SGMS1: variants seen among roughly 807,000 people sequenced by gnomAD.
The protein encoded by SGMS1 is sphingomyelin synthase 1, also known as phosphatidylcholine:ceramide cholinephosphotransferase 1.
In SGMS1, 13 loss-of-function variants were observed where a neutral mutation model predicts 46.2. The ratio of observed to expected loss-of-function variants is 0.28; its 90% CI spans 0.18 to 0.45. The LOEUF is 0.45. Ranked by LOEUF, SGMS1 falls within the 20% of genes least tolerant of loss-of-function variation. The pLI, the probability that SGMS1 is intolerant of heterozygous loss-of-function variation, is 1.00. For synonymous variants in SGMS1, 203 were observed against 187.8 expected (o/e 1.08, Z -0.66); for missense variants, 324 against 519.9 (o/e 0.62, Z 3.66).
intron 6 of SGMS1, among the ~76,000 whole-genome samples, chr10:50,365,788 T>A (rs2133428540): frequency 6.6e-6 from 1 of 152,388 alleles, no homozygotes; most frequent in East Asian, 1.9e-4. Flanking sequence ...CTGCATAGTA[T>A]TCCATGGTAT....
At chr10:50,357,021 A>T (rs773117456) in intron 6 of SGMS1, among the ~76,000 whole-genome samples, 9 of 152,022 alleles carry the variant, frequency 5.9e-5, no homozygotes, top group Non-Finnish European at 1.0e-4. Flanking sequence ...ACATGTATAC[A>T]TATGTAACAA....
intron 1 of SGMS1, among the ~76,000 whole-genome samples, chr10:50,605,099 C>T (rs1349171541): frequency 6.6e-6 from 1 of 151,542 alleles, no homozygotes; most frequent in Admixed American, 6.6e-5. Context: ...CACAAAAAAG[C>T]ACCTACAGAC....
intron 6 of SGMS1, among the ~76,000 whole-genome samples, chr10:50,354,158 G>C (rs768916385): frequency 2.0e-5 from 3 of 149,122 alleles, no homozygotes; most frequent in Non-Finnish European, 4.4e-5. Context: ...AAAGAACAAA[G>C]CTGGAGGCAT....
intron 2 of SGMS1, among the ~76,000 whole-genome samples, chr10:50,580,623 T>C (rs766362636): frequency 3.3e-5 from 5 of 152,044 alleles, no homozygotes; most frequent in Non-Finnish European, 5.9e-5. Context: ...GAGAGCCAAA[T>C]TGAGTTTTGG....
chr10:50,513,058 A>C (rs1837771257), intron 3 of SGMS1, among the ~76,000 whole-genome samples: 1 of 152,150 alleles, frequency 6.6e-6, no homozygotes. Flanking sequence ...TGGGTAACAA[A>C]TGCTACCATT....
rs560298585 is a variant in SGMS1 at position 50,494,221 on chromosome 10, G to A, written c.-498+25610C>T. Among the ~76,000 whole-genome samples the A allele has an allele frequency of 8.5e-5, 13 of 152,312 alleles. No homozygotes were observed. The South Asian group carries it at 2.7e-3, about 32-fold the overall frequency. On this transcript the variant is annotated intron_variant, in intron 3 of 10. Transcript: ENST00000361781. ...CAACCATTGTGGAAGAAAGTGTGTT[G>A]ACTCCTCAAAGACCTGAACACAGAA... is the stretch of plus-strand genomic sequence containing the variant.
intron 3 of SGMS1, among the ~76,000 whole-genome samples, chr10:50,507,388 G>A (rs569291704): frequency 7.9e-5 from 12 of 152,274 alleles, no homozygotes; most frequent in African/African-American, 2.2e-4. Flanking sequence ...TCTTCTGAGC[G>A]ACAGAAGCCC....
intron 3 of SGMS1, chr10:50,474,260 ATAAT>A (rs1288861523): frequency 6.6e-6 from 1 of 152,262 alleles, no homozygotes; most frequent in Non-Finnish European, 1.5e-5. Flanking sequence ...CTTCTTTTAG[ATAAT>A]TAGAGGAAAC....
chr10:50,402,318 A>G (rs1285212795), intron 6 of SGMS1, among the ~76,000 whole-genome samples: 2 of 152,224 alleles, frequency 1.3e-5, no homozygotes, highest in Non-Finnish European at 2.9e-5. Flanking sequence ...AAATTAATCT[A>G]TCTTCCTATT....
chr10:50,474,373 G>A (rs1588845517), intron 3 of SGMS1: 1 of 152,038 alleles, frequency 6.6e-6, no homozygotes, highest in South Asian at 2.1e-4. Flanking sequence ...CTGGAATTCT[G>A]GTTCTTCACC....
intron 3 of SGMS1, among the ~76,000 whole-genome samples, chr10:50,513,149 A>C (rs765785914): frequency 6.6e-6 from 1 of 152,196 alleles, no homozygotes; most frequent in Non-Finnish European, 1.5e-5. Flanking sequence ...CTCAAGTTTC[A>C]GTTACACCAA....
At chr10:50,539,114 G>A (rs1838029859) in intron 2 of SGMS1, among the ~76,000 whole-genome samples, 1 of 152,240 alleles carries the variant, frequency 6.6e-6, no homozygotes, top group South Asian at 2.1e-4. Flanking sequence ...CAGCCCTGGT[G>A]AGCATGAAGG....
chr10:50,537,211 T>C (rs1343102320), intron 2 of SGMS1, among the ~76,000 whole-genome samples: 1 of 152,198 alleles, frequency 6.6e-6, no homozygotes, highest in Non-Finnish European at 1.5e-5. Context: ...TTCAAACCTT[T>C]GTTTTTTCCA....
At chr10:50,408,447 A>AAT (rs1564904980) in intron 6 of SGMS1, among the ~76,000 whole-genome samples, 1 of 148,738 alleles carries the variant, frequency 6.7e-6, no homozygotes, top group Non-Finnish European at 1.5e-5. Flanking sequence ...AAAAAAAAAA[A>AAT]AAAAAAAACA....
At chr10:50,607,995 A>G (rs1838713015) in intron 1 of SGMS1, among the ~76,000 whole-genome samples, 1 of 152,264 alleles carries the variant, frequency 6.6e-6, no homozygotes. Context: ...TATCACAAAC[A>G]TTAACAGCAC....
At chr10:50,427,892 T>C (rs998652041) in intron 6 of SGMS1, among the ~76,000 whole-genome samples, 5 of 152,062 alleles carry the variant, frequency 3.3e-5, no homozygotes, top group African/African-American at 1.2e-4. Flanking sequence ...ACATCTTCAA[T>C]GAAGGAGAAA....
At chr10:50,475,136 C>T (rs1214198186) in intron 3 of SGMS1, among the ~76,000 whole-genome samples, 1 of 152,158 alleles carries the variant, frequency 6.6e-6, no homozygotes, top group Non-Finnish European at 1.5e-5. Flanking sequence ...ATTTCACTGT[C>T]AGTAATTACA....
chr10:50,457,682 T>C (rs1458894135), intron 5 of SGMS1, among the ~76,000 whole-genome samples: 1 of 152,222 alleles, frequency 6.6e-6, no homozygotes, highest in Non-Finnish European at 1.5e-5. Context: ...TTTCTGTTCC[T>C]GTATTAGTTC....
intron 8 of SGMS1, among the ~76,000 whole-genome samples, chr10:50,312,931 G>A (rs886826271): frequency 6.6e-6 from 1 of 152,162 alleles, no homozygotes; most frequent in East Asian, 1.9e-4. Context: ...ATGGAGATGA[G>A]CCCAACAGAA....
Sources: gnomAD v4.1 joint callset for allele counts (sites outside exome capture counted in the v4.1 genomes callset) on GRCh38, gnomAD v4.1.1 for gene constraint, MANE v1.5 for transcripts, NCBI Gene and HGNC (gene_info 2026-07-23, HGNC 2026-07-21) for gene names.